Variants in KATNA1 observed in about 807,000 individuals in gnomAD.
The protein encoded by KATNA1 is katanin p60 ATPase-containing subunit A1.
Under a neutral mutation model 62.6 loss-of-function variants are expected in KATNA1, and 42 were observed. That is an observed-to-expected ratio of 0.67 (90% CI 0.52 to 0.87). The LOEUF (loss-of-function observed/expected upper bound fraction) is 0.87. KATNA1 is among the 40% of genes least tolerant of loss of function. KATNA1 has a pLI of 0.00. For synonymous variants in KATNA1, 186 were observed against 201.9 expected, an observed-to-expected ratio of 0.92 and a Z score of 0.67; for missense variants, 498 against 612.5, an observed-to-expected ratio of 0.81 and a Z score of 1.97.
chr6:149,623,045 GTCT>G (rs1779463035), intron 4 of KATNA1, 55 bp downstream of exon 4: 1 of 1,266,078 alleles, frequency 7.9e-7, no homozygotes, highest in South Asian at 1.5e-5. Flanking sequence ...AATTTGTACA[GTCT>G]TCATTTTTAC....
At chr6:149,625,933 CAAA>C (rs200316485) in intron 3 of KATNA1, among the ~76,000 whole-genome samples, 66,354 of 137,388 alleles carry the variant, frequency 0.48, 15,720 homozygotes, top group East Asian at 0.81. Context: ...GACTCCATCT[CAAA>C]AAAAAAAAAA....
At chr6:149,617,455 G>A (rs1779205042) in intron 4 of KATNA1, among the ~76,000 whole-genome samples, 1 of 152,186 alleles carries the variant, frequency 6.6e-6, no homozygotes, top group South Asian at 2.1e-4. Flanking sequence ...TTACAAAAAT[G>A]AAATACTTAG....
chr6:149,617,459 T>C (rs1217719152), intron 4 of KATNA1, among the ~76,000 whole-genome samples: 2 of 152,176 alleles, frequency 1.3e-5, no homozygotes, highest in Non-Finnish European at 2.9e-5. Flanking sequence ...AAAAATGAAA[T>C]ACTTAGGTAT....
At chr6:149,630,145 C>T (rs1217892917) in intron 3 of KATNA1, among the ~76,000 whole-genome samples, 1 of 152,186 alleles carries the variant, frequency 6.6e-6, no homozygotes, top group East Asian at 1.9e-4. Context: ...GATTTTCCCC[C>T]TACTTCAATG....
At chr6:149,645,375 G>A (rs1780444869) in intron 1 of KATNA1, among the ~76,000 whole-genome samples, 1 of 151,384 alleles carries the variant, frequency 6.6e-6, no homozygotes, top group Admixed American at 6.6e-5. Flanking sequence ...CCGGGAGGCA[G>A]AGCGTGCAAG....
intron 7 of KATNA1, among the ~76,000 whole-genome samples, chr6:149,599,086 A>G (rs1778433861): frequency 6.6e-6 from 1 of 151,988 alleles, no homozygotes; most frequent in South Asian, 2.1e-4. Flanking sequence ...GCTGGTCTCA[A>G]ACTCCTAGAC....
intron 9 of KATNA1, 151 bp downstream of exon 9, chr6:149,597,356 A>G: frequency 1.7e-6 from 2 of 1,148,100 alleles, no homozygotes; most frequent in Non-Finnish European, 2.5e-6. Context: ...CTTACTATTT[A>G]GTATTAAGGC....
chr6:149,621,251 G>A (rs1478257683), intron 4 of KATNA1, among the ~76,000 whole-genome samples: 1 of 151,032 alleles, frequency 6.6e-6, no homozygotes, highest in Non-Finnish European at 1.5e-5. Flanking sequence ...AGCCTCCCCA[G>A]TAGCTGGGAC....
At chr6:149,617,606 C>T (rs1779212096) in intron 4 of KATNA1, among the ~76,000 whole-genome samples, 1 of 151,036 alleles carries the variant, frequency 6.6e-6, no homozygotes, top group South Asian at 2.1e-4. Context: ...TCGAGACTAT[C>T]CTGATCAACA....
At chr6:149,635,407 T>C (rs1469989510) in intron 2 of KATNA1, among the ~76,000 whole-genome samples, 4 of 152,242 alleles carry the variant, frequency 2.6e-5, no homozygotes, top group African/African-American at 9.6e-5. Flanking sequence ...CTGAACTGTA[T>C]ACTTAAAAAT....
intron 1 of KATNA1, among the ~76,000 whole-genome samples, chr6:149,645,336 G>C (rs1780442744): frequency 6.6e-6 from 1 of 152,002 alleles, no homozygotes; most frequent in South Asian, 2.1e-4. Flanking sequence ...CCAGCTACTT[G>C]GGAGGCTGAG....
chr6:149,630,793 T>C (rs1779799608), intron 3 of KATNA1, among the ~76,000 whole-genome samples: 1 of 152,150 alleles, frequency 6.6e-6, no homozygotes, highest in Non-Finnish European at 1.5e-5. Context: ...CTATCTACCA[T>C]ATCAGACTCT....
At position 149,595,143 on chromosome 6, in the gene KATNA1, T is replaced by G; in HGVS notation, c.1369A>C (p.Thr457Pro). Residue 457 changes from threonine to proline, a missense_variant, in exon 11 of 11, where the codon ACA becomes CCA. This residue lies in a region of KATNA1 where 267 missense variants were observed against 372.6 expected (regional missense o/e 0.72). Transcript: ENST00000367411. Reference protein sequence around the residue: ...NLSKEEMHMPTTMEDFEMALK... With the variant: ...NLSKEEMHMPPTMEDFEMALK... ...GCCATCTCGAAATCCTCCATAGTTG[T>G]AGGCATGTGCATTTCTTCTTTGGAA... is the stretch of plus-strand genomic sequence containing the variant. 3 of 1,613,942 alleles carry G rather than the reference T, an allele frequency of 1.9e-6. No individual in the cohort carries two copies. The highest frequency in any genetic ancestry group is 2.5e-6 in the Non-Finnish European group (3 of 1,179,812).
chr6:149,641,333 C>G (rs1363735132), intron 1 of KATNA1, among the ~76,000 whole-genome samples: 1 of 151,696 alleles, frequency 6.6e-6, no homozygotes, highest in South Asian at 2.1e-4. Context: ...CCCACCACCA[C>G]GCTCGGCTAA....
chr6:149,644,349 G>C (rs1229378893), intron 1 of KATNA1, among the ~76,000 whole-genome samples: 3 of 152,014 alleles, frequency 2.0e-5, no homozygotes, highest in African/African-American at 7.2e-5. Flanking sequence ...AGTCAGGCAT[G>C]GTGGTTCACG....
chr6:149,620,113 T>TC (rs1779335792), intron 4 of KATNA1, among the ~76,000 whole-genome samples: 1 of 152,150 alleles, frequency 6.6e-6, no homozygotes, highest in South Asian at 2.1e-4. Flanking sequence ...ACACATGTTC[T>TC]CACTCATGAC....
intron 2 of KATNA1, among the ~76,000 whole-genome samples, chr6:149,637,969 A>T (rs1780134003): frequency 6.6e-6 from 1 of 152,010 alleles, no homozygotes; most frequent in African/African-American, 2.4e-5. Flanking sequence ...TCACATACTC[A>T]TGTTTTGTTT....
rs1158971720 is a variant in KATNA1, at chr6:149,595,158, C to A, written c.1354G>T (p.Glu452Ter). The A allele has an allele frequency of 6.2e-7, 1 of 1,613,968 alleles. No homozygotes were observed. Among genetic ancestry groups the A allele is most frequent in the Non-Finnish European group, 8.5e-7 (1 of 1,179,982 alleles). ...PEEIRNLSKE[E>*]MHMPTTMEDF... ...TCCATAGTTGTAGGCATGTGCATTT[C>A]TTCTTTGGAAAGATTTCGGATTTCC... Residue 452 changes from glutamate to a stop codon, truncating the protein, a stop_gained, in exon 11 of 11, where the codon GAA becomes TAA. Transcript: ENST00000367411. LOFTEE classifies it high-confidence loss of function.
chr6:149,627,831 G>A (rs1562295777), intron 3 of KATNA1, among the ~76,000 whole-genome samples: 2 of 152,050 alleles, frequency 1.3e-5, no homozygotes, highest in African/African-American at 2.4e-5. Context: ...TGAGGGAAAG[G>A]CAGGTGAAAG....
Sources: gnomAD v4.1 joint callset for allele counts (sites outside exome capture counted in the v4.1 genomes callset) on GRCh38, gnomAD v4.1.1 for gene constraint, gnomAD v4.1.1 regional missense constraint, MANE v1.5 for transcripts, NCBI Gene and HGNC (gene_info 2026-07-23, HGNC 2026-07-21) for gene names.